Variants in JMJD1C observed in about 807,000 individuals in gnomAD.
JMJD1C encodes jumonji domain containing 1C, also known as jumonji domain-containing protein 1C.
Under a neutral mutation model 245.3 loss-of-function variants are expected in JMJD1C, and 31 were observed. That is an observed-to-expected ratio of 0.13 (90% CI 0.09 to 0.17). The LOEUF (loss-of-function observed/expected upper bound fraction) is 0.17. JMJD1C is among the 10% of genes least tolerant of loss of function. The pLI, the probability that JMJD1C is intolerant of heterozygous loss-of-function variation, is 1.00. For missense variants in JMJD1C, 2,691 were observed against 3,000.2 expected (o/e 0.90, Z 2.41); for synonymous variants, 1,057 against 1,017.4 (o/e 1.04, Z -0.74).
chr10:63,270,437 G>A (rs1856150182), intron 2 of JMJD1C, among the ~76,000 whole-genome samples: 1 of 151,790 alleles, frequency 6.6e-6, no homozygotes, highest in African/African-American at 2.4e-5. Context: ...CCAAAGTACT[G>A]GGATTACAGG....
Position 63,302,274 on chromosome 10 carries a change from A to G in JMJD1C, c.334-37510T>C, listed in dbSNP as rs868101724. ...TCATCTCCCACAAATGAATAAATGC[A>G]TGTAGACTGGACAATAAGTTACGAG... On this transcript the variant is annotated intron_variant, in intron 2 of 25. Coordinates refer to ENST00000399262, the MANE Select transcript of JMJD1C (RefSeq NM_032776.3). Among the ~76,000 whole-genome samples, 13 of 152,352 alleles carry G rather than the reference A, an allele frequency of 8.5e-5. No homozygotes were observed. The Middle Eastern group carries it at 0.014, about 159-fold the overall frequency.
At chr10:63,413,732 A>G (rs1949626187) in intron 1 of JMJD1C, among the ~76,000 whole-genome samples, 1 of 152,214 alleles carries the variant, frequency 6.6e-6, no homozygotes, top group South Asian at 2.1e-4. Context: ...GAAGTATTTT[A>G]ACTTTTCTCC....
chr10:63,268,356 CA>C (rs575603270), intron 2 of JMJD1C, among the ~76,000 whole-genome samples: 3 of 149,470 alleles, frequency 2.0e-5, no homozygotes, highest in Non-Finnish European at 3.0e-5. Flanking sequence ...AGGGAATAAC[CA>C]AAAAAAAACC....
At chr10:63,185,865 T>C (rs1844073816) in intron 19 of JMJD1C, among the ~76,000 whole-genome samples, 1 of 152,244 alleles carries the variant, frequency 6.6e-6, no homozygotes, top group African/African-American at 2.4e-5. Context: ...AATTACCCAC[T>C]TGTAATATCT....
intron 1 of JMJD1C, among the ~76,000 whole-genome samples, chr10:63,493,400 G>A (rs552790194): frequency 6.6e-6 from 1 of 151,256 alleles, no homozygotes; most frequent in Non-Finnish European, 1.5e-5. Flanking sequence ...TCCTGCCTCC[G>A]CCTCATGAGT....
chr10:63,222,915 TAA>T (rs1848777382), intron 3 of JMJD1C: 1 of 1,502,638 alleles, frequency 6.7e-7, no homozygotes, highest in Admixed American at 1.7e-5. Context: ...GGGCACTGCT[TAA>T]AAGACAGAAA....
rs147674809 is a variant in JMJD1C at position 63,459,223 on chromosome 10, A to T, written c.168+6272T>A. Among the ~76,000 whole-genome samples, 491 of 152,344 alleles carry T rather than the reference A, an allele frequency of 3.2e-3. 2 individuals are homozygous for T. Among genetic ancestry groups the T allele is most frequent in the African/African-American group, 0.011 (476 of 41,574 alleles). On this transcript the variant is annotated intron_variant, in intron 1 of 25. Transcript: ENST00000399262. The stretch of plus-strand genomic sequence containing the variant: ...CCTATTAAGCTCTACTTAAAAAATG[A>T]GTTTAGTCAATCAGGTTTTGCTTCC...
intron 1 of JMJD1C, among the ~76,000 whole-genome samples, chr10:63,480,402 C>CG (rs1005115348): frequency 1.8e-4 from 27 of 151,156 alleles, no homozygotes; most frequent in African/African-American, 6.3e-4. Context: ...CACTGTACTT[C>CG]GAACTCCTTG....
intron 13 of JMJD1C, among the ~76,000 whole-genome samples, chr10:63,195,860 T>TG (rs1209637928): frequency 1.3e-5 from 2 of 152,006 alleles, no homozygotes; most frequent in Non-Finnish European, 2.9e-5. Context: ...ACCCAGGAGA[T>TG]GGAGGTTGCA....
intron 2 of JMJD1C, among the ~76,000 whole-genome samples, chr10:63,319,955 A>G (rs566456505): frequency 6.6e-6 from 1 of 152,168 alleles, no homozygotes; most frequent in Non-Finnish European, 1.5e-5. Context: ...TAGTAGAGAC[A>G]GGGTTTCACC....
At chr10:63,332,227 C>T (rs1415411743) in intron 2 of JMJD1C, among the ~76,000 whole-genome samples, 1 of 152,128 alleles carries the variant, frequency 6.6e-6, no homozygotes, top group African/African-American at 2.4e-5. Flanking sequence ...CAAGAAAATG[C>T]AGCTTATATA....
intron 1 of JMJD1C, among the ~76,000 whole-genome samples, chr10:63,439,980 T>C (rs564152300): frequency 4.7e-4 from 72 of 152,304 alleles, no homozygotes; most frequent in Admixed American, 1.0e-3. Context: ...CAGTGAGATA[T>C]GAAAGCAACC....
At chr10:63,457,028 G>A (rs1158848147) in intron 1 of JMJD1C, among the ~76,000 whole-genome samples, 1 of 152,038 alleles carries the variant, frequency 6.6e-6, no homozygotes, top group Non-Finnish European at 1.5e-5. Context: ...TGTTTTGTCT[G>A]GTAAAACAAA....
rs371252292 is a variant in JMJD1C at position 63,317,504 on chromosome 10, T to C, written c.334-52740A>G. On this transcript the variant is annotated intron_variant, in intron 2 of 25. Coordinates refer to ENST00000399262, the MANE Select transcript of JMJD1C (RefSeq NM_032776.3). Reference sequence around the variant, plus strand: ...CTATTTGAATGTATGTCTCTACTGATTAATCAACTTCTCTCATCCTCCTAA... The same window carrying C: ...CTATTTGAATGTATGTCTCTACTGACTAATCAACTTCTCTCATCCTCCTAA... Among the ~76,000 whole-genome samples, 5 of 152,182 alleles carry C rather than the reference T, an allele frequency of 3.3e-5. No homozygotes were observed. In the East Asian group the frequency reaches 7.8e-4, roughly 24 times the overall value.
intron 3 of JMJD1C, among the ~76,000 whole-genome samples, chr10:63,230,961 A>G (rs1849906301): frequency 6.6e-6 from 1 of 152,222 alleles, no homozygotes; most frequent in African/African-American, 2.4e-5. Context: ...TGTACAACAC[A>G]TAATATAATA....
chr10:63,480,082 C>T (rs1035000199), intron 1 of JMJD1C, among the ~76,000 whole-genome samples: 2 of 152,136 alleles, frequency 1.3e-5, no homozygotes, highest in Admixed American at 1.3e-4. Context: ...ATTACTTTGA[C>T]AATTTTTTTA....
intron 1 of JMJD1C, among the ~76,000 whole-genome samples, chr10:63,392,123 A>G (rs1189523950): frequency 6.6e-6 from 1 of 152,214 alleles, no homozygotes; most frequent in African/African-American, 2.4e-5. Context: ...CACATTATGG[A>G]AAAAACAACC....
At chr10:63,365,904 T>G (rs1945795337) in intron 2 of JMJD1C, among the ~76,000 whole-genome samples, 1 of 152,198 alleles carries the variant, frequency 6.6e-6, no homozygotes, top group Non-Finnish European at 1.5e-5. Context: ...TGGCATGTCT[T>G]GGCTGATACG....
chr10:63,221,981 CAA>C (rs1409471357), intron 3 of JMJD1C, among the ~76,000 whole-genome samples: 2 of 152,166 alleles, frequency 1.3e-5, no homozygotes, highest in African/African-American at 4.8e-5. Context: ...CTCAACCTCC[CAA>C]AGTGTTGGTA....
Sources: allele counts gnomAD v4.1 joint callset (sites outside exome capture counted in the v4.1 genomes callset), GRCh38; gene constraint gnomAD v4.1.1; transcripts MANE v1.5; gene names NCBI Gene and HGNC (gene_info 2026-07-23, HGNC 2026-07-21).